NTM: variants seen among roughly 807,000 people sequenced by gnomAD.
The protein encoded by NTM is IgLON family member 2.
In NTM, 13 loss-of-function variants were observed where a neutral mutation model predicts 42.1. The observed-to-expected ratio is 0.31, with a 90% CI of 0.20 to 0.49. NTM has a LOEUF of 0.49. NTM is among the 20% of genes least tolerant of loss of function. The pLI, the probability that NTM is intolerant of heterozygous loss-of-function variation, is 0.99. For synonymous variants in NTM, 187 were observed against 179.2 expected (o/e 1.04, Z -0.35); for missense variants, 373 against 452.8 (o/e 0.82, Z 1.60).
chr11:132,094,411 G>A (rs2060719439), intron 2 of NTM, among the ~76,000 whole-genome samples: 1 of 152,154 alleles, frequency 6.6e-6, no homozygotes, highest in Non-Finnish European at 1.5e-5. Context: ...CCCTCAGGGA[G>A]CACTTGCTGT....
intron 1 of NTM, among the ~76,000 whole-genome samples, chr11:131,671,880 C>T (rs1321083523): frequency 6.6e-6 from 1 of 152,146 alleles, no homozygotes; most frequent in East Asian, 1.9e-4. Context: ...GGTTTGGGGG[C>T]TCCAAACCTT....
At chr11:131,699,512 A>T (rs1287900257) in intron 1 of NTM, among the ~76,000 whole-genome samples, 2 of 152,198 alleles carry the variant, frequency 1.3e-5, no homozygotes, top group Admixed American at 6.5e-5. Context: ...CTGAGAAATC[A>T]GGAGAACTCC....
chr11:132,012,515 A>C (rs1323972351), intron 2 of NTM, among the ~76,000 whole-genome samples: 1 of 152,176 alleles, frequency 6.6e-6, no homozygotes, highest in African/African-American at 2.4e-5. Context: ...ATATGATGAT[A>C]AAGAAGACGT....
chr11:131,595,033 G>A (rs2059695414), intron 1 of NTM, among the ~76,000 whole-genome samples: 1 of 152,188 alleles, frequency 6.6e-6, no homozygotes, highest in Admixed American at 6.5e-5. Flanking sequence ...TATAATGTAT[G>A]CAGAATGCTT....
At chr11:131,746,244 T>C (rs1030404479) in intron 1 of NTM, among the ~76,000 whole-genome samples, 2 of 152,194 alleles carry the variant, frequency 1.3e-5, no homozygotes, top group Non-Finnish European at 2.9e-5. Flanking sequence ...TTCATTTCCC[T>C]GTGGCAACCA....
intron 1 of NTM, among the ~76,000 whole-genome samples, chr11:131,704,258 C>A (rs1237289451): frequency 1.3e-5 from 2 of 152,160 alleles, no homozygotes; most frequent in Non-Finnish European, 2.9e-5. Context: ...GAATGGAGTC[C>A]CACACCTGTG....
At chr11:132,068,532 C>T (rs1040589045) in intron 2 of NTM, among the ~76,000 whole-genome samples, 1 of 152,178 alleles carries the variant, frequency 6.6e-6, no homozygotes, top group Non-Finnish European at 1.5e-5. Context: ...ACAATCTGGG[C>T]TTTTTCTATC....
chr11:131,889,976 C>G (rs2051016276), intron 1 of NTM, among the ~76,000 whole-genome samples: 1 of 152,108 alleles, frequency 6.6e-6, no homozygotes, highest in Non-Finnish European at 1.5e-5. Flanking sequence ...TATTCAAAGT[C>G]TCATTTCTCT....
intron 6 of NTM, among the ~76,000 whole-genome samples, chr11:132,314,175 T>TCAC (rs202184319): frequency 6.6e-6 from 1 of 151,682 alleles, no homozygotes; most frequent in East Asian, 1.9e-4. Flanking sequence ...ATCATCACCA[T>TCAC]CACCATCATC....
chr11:132,046,794 TTATC>T (rs1416236310), intron 2 of NTM, among the ~76,000 whole-genome samples: 7 of 152,314 alleles, frequency 4.6e-5, no homozygotes, highest in East Asian at 3.9e-4. Context: ...AGCACTGGCT[TTATC>T]TATCTATCTG....
At chr11:131,790,555 C>T (rs186867368) in intron 1 of NTM, among the ~76,000 whole-genome samples, 38 of 152,300 alleles carry the variant, frequency 2.5e-4, no homozygotes, top group Admixed American at 5.9e-4. Context: ...TATTCAGCCC[C>T]TTCTAGGCTT....
intron 2 of NTM, among the ~76,000 whole-genome samples, chr11:132,112,718 T>TACACAC (rs61630313): frequency 0.013 from 1,813 of 142,122 alleles, 32 homozygotes; most frequent in South Asian, 0.036. Context: ...ACTGCACACT[T>TACACAC]ACACACACAC....
intron 1 of NTM, among the ~76,000 whole-genome samples, chr11:131,694,334 A>G (rs558817704): frequency 8.5e-5 from 13 of 152,296 alleles, no homozygotes; most frequent in African/African-American, 2.9e-4. Context: ...TTCATTCAAC[A>G]TTTATTCAGT....
At chr11:131,620,762 A>G (rs1224431154) in intron 1 of NTM, among the ~76,000 whole-genome samples, 1 of 152,192 alleles carries the variant, frequency 6.6e-6, no homozygotes, top group African/African-American at 2.4e-5. Context: ...CATAACACGT[A>G]GTGCTCTGGG....
intron 1 of NTM, among the ~76,000 whole-genome samples, chr11:131,807,931 A>G (rs1464049176): frequency 6.6e-6 from 1 of 152,232 alleles, no homozygotes; most frequent in East Asian, 1.9e-4. Flanking sequence ...AGTGACTATC[A>G]CTTTCAATGT....
At chr11:131,375,100 T>A (rs1941777500) in intron 1 of NTM, among the ~76,000 whole-genome samples, 1 of 152,122 alleles carries the variant, frequency 6.6e-6, no homozygotes, top group African/African-American at 2.4e-5. Flanking sequence ...TTCAAGCCAT[T>A]TCTAGTGGTC....
At chr11:131,572,124 C>A (rs1224404055) in intron 1 of NTM, among the ~76,000 whole-genome samples, 1 of 152,144 alleles carries the variant, frequency 6.6e-6, no homozygotes, top group African/African-American at 2.4e-5. Flanking sequence ...CAGTGTGTAG[C>A]CGGGTGCCCT....
At chr11:131,380,557 C>T (rs1366744518) in intron 1 of NTM, among the ~76,000 whole-genome samples, 1 of 152,070 alleles carries the variant, frequency 6.6e-6, no homozygotes, top group Non-Finnish European at 1.5e-5. Context: ...CTTTTTCTTA[C>T]CTTTACTGTT....
At chr11:131,593,074 G>A (rs2059521116) in intron 1 of NTM, among the ~76,000 whole-genome samples, 1 of 152,128 alleles carries the variant, frequency 6.6e-6, no homozygotes. Context: ...GGTACTATTG[G>A]CAGGAAATGT....
Sources: allele counts gnomAD v4.1 joint callset (sites outside exome capture counted in the v4.1 genomes callset), GRCh38; gene constraint gnomAD v4.1.1; transcripts MANE v1.5; gene names NCBI Gene and HGNC (gene_info 2026-07-23, HGNC 2026-07-21).